BMS1: variants seen among roughly 807,000 people sequenced by gnomAD.
BMS1 encodes ribosome biogenesis protein BMS1 homolog.
In BMS1, 53 loss-of-function variants were observed where a neutral mutation model predicts 138.7. The ratio of observed to expected loss-of-function variants is 0.38; its 90% CI spans 0.31 to 0.48. BMS1 has a LOEUF of 0.48. Ranked by LOEUF, BMS1 falls within the 20% of genes least tolerant of loss-of-function variation. The pLI is 0.97. For synonymous variants in BMS1, 504 were observed against 539.9 expected, an observed-to-expected ratio of 0.93 and a Z score of 0.92; for missense variants, 1,360 against 1,565.5, an observed-to-expected ratio of 0.87 and a Z score of 2.22.
intron 17 of BMS1, 39 bp from the exon 18 acceptor site, chr10:42,820,895 T>C: frequency 1.3e-6 from 2 of 1,556,496 alleles, no homozygotes; most frequent in South Asian, 2.2e-5. Context: ...ATCTAAAATT[T>C]GTGGTTCGCT....
intron 4 of BMS1, among the ~76,000 whole-genome samples, chr10:42,789,850 C>G (rs1363440127): frequency 6.6e-6 from 1 of 152,156 alleles, no homozygotes; most frequent in East Asian, 1.9e-4. Context: ...AAATACCTTA[C>G]AGAAAACTTG....
In BMS1 at chr10:42,830,339, A is replaced by G; in HGVS notation, c.3535A>G (p.Lys1179Glu). The change falls in exon 22 of 23, where the codon AAG becomes GAG. Residue 1179 changes from lysine to glutamate, a missense_variant. This residue lies in a region of BMS1 where 425 missense variants were observed against 568.3 expected (regional missense o/e 0.75). Coordinates refer to ENST00000374518, the MANE Select transcript of BMS1 (RefSeq NM_014753.4). ...ALQKALPFKN[K>E]PKTQAKAGKV... ...GCAGAAGGCCCTGCCATTTAAGAAC[A>G]AGCCCAAGACCCAAGCAAAGGCAGG... 6.2e-7 allele frequency: 1 copy of G among 1,614,118 alleles called. No homozygotes were observed. The highest frequency in any genetic ancestry group is 8.5e-7 in the Non-Finnish European group (1 of 1,180,028).
chr10:42,805,755 A>T (rs1564420275), intron 13 of BMS1, among the ~76,000 whole-genome samples: 1 of 150,384 alleles, frequency 6.6e-6, no homozygotes, highest in East Asian at 1.9e-4. Flanking sequence ...AATGCAGTTG[A>T]TTTTTTTTTT....
intron 13 of BMS1, among the ~76,000 whole-genome samples, chr10:42,811,520 C>CTTTTTTTTTTTTTTTTTTTTTTTT (rs879940551): frequency 8.2e-6 from 1 of 121,568 alleles, no homozygotes; most frequent in African/African-American, 3.4e-5. Context: ...GTTGTATTTT[C>CTTTTTTTTTTTTTTTTTTTTTTTT]TTTTTCTTTT....
rs535241880 is a variant in BMS1 at position 42,834,081 on chromosome 10, T to C, written c.*2985T>C. The C allele has an allele frequency of 2.6e-5, 4 of 152,378 alleles. No homozygotes were observed. The highest frequency in any genetic ancestry group is 3.9e-4 in the East Asian group (2 of 5,190). 9.4% of individuals were successfully genotyped at this position (152,378 alleles called of 1,614,324 possible). A position where few individuals can be genotyped will look rare whatever the true frequency, so the allele number is the denominator to read the frequency against. The stretch of plus-strand genomic sequence containing the variant: ...GTAAATTGTAAAAATTATTCTGTTA[T>C]ACCTTTTCTATTTACTAGGCACAGG... On this transcript the variant is annotated 3_prime_UTR_variant, in exon 23 of 23. Transcript: ENST00000374518.
At chr10:42,808,593 C>T (rs543826887) in intron 13 of BMS1, among the ~76,000 whole-genome samples, 18 of 152,194 alleles carry the variant, frequency 1.2e-4, no homozygotes, top group South Asian at 2.1e-4. Context: ...GCCACCGTGT[C>T]GGGCCAAAAG....
rs749751423 is a variant in BMS1, at chr10:42,796,607, G to A, written c.1363G>A (p.Gly455Arg). 41 of 1,614,174 alleles carry A rather than the reference G, an allele frequency of 2.5e-5. No homozygotes were observed. The highest frequency in any genetic ancestry group is 1.6e-4 in the Middle Eastern group (1 of 6,062). ...AGATGATGAAATGTCTGAAGATGAC[G>A]GGTTGGAAAACGGCTCTAGTGATGA... ...EEDDEMSEDDGLENGSSDEEA... is the reference protein window; with the variant it reads ...EEDDEMSEDDRLENGSSDEEA... Residue 455 changes from glycine to arginine, a missense_variant, in exon 10 of 23, where the codon GGG becomes AGG. Gly to Arg is a moderately radical substitution (Grantham distance 125). This residue lies in a region of BMS1 where 697 missense variants were observed against 686.2 expected (regional missense o/e 1.02). Transcript: ENST00000374518.
Position 42,802,121 on chromosome 10 carries a change from G to A in BMS1, c.2248-16G>A. On this transcript the variant is annotated splice_polypyrimidine_tract_variant and intron_variant, in intron 12 of 22. Coordinates refer to ENST00000374518, the MANE Select transcript of BMS1 (RefSeq NM_014753.4). ...GATTGGAACACCTCACCTAAGTGCTGACTTTTCTGCGTAAGGTTATGAACA... is the reference window on the plus strand; with the variant it reads ...GATTGGAACACCTCACCTAAGTGCTAACTTTTCTGCGTAAGGTTATGAACA... 6.3e-7 allele frequency: 1 copy of A among 1,590,902 alleles called. No homozygotes were observed.
intron 5 of BMS1, 83 bp downstream of exon 5, chr10:42,790,594 C>G (rs1226525035): frequency 4.9e-6 from 7 of 1,425,494 alleles, no homozygotes; most frequent in African/African-American, 1.4e-5. Flanking sequence ...TGGCTAACAC[C>G]TGTAATCCCA....
At chr10:42,788,386 T>C (rs1399365124) in intron 4 of BMS1, among the ~76,000 whole-genome samples, 2 of 152,182 alleles carry the variant, frequency 1.3e-5, no homozygotes, top group Non-Finnish European at 2.9e-5. Context: ...ATAATAGTTA[T>C]ACATATTTAT....
In BMS1 at chr10:42,820,493, C is replaced by T. The variant is rs1465676394; in HGVS notation, c.2770-15C>T. The T allele has an allele frequency of 1.9e-6, 3 of 1,611,160 alleles. No homozygotes were observed. Among genetic ancestry groups the T allele is most frequent in the Non-Finnish European group, 2.5e-6 (3 of 1,179,234 alleles). On this transcript the variant is annotated splice_polypyrimidine_tract_variant and intron_variant, in intron 16 of 22. Transcript: ENST00000374518. ...TTTCCCCTCCATCAATCATCTTACC[C>T]TCTCGTCCCCTCAGATGCGTCTGAA...
At position 42,792,441 on chromosome 10, in the gene BMS1, G is replaced by T. The variant is rs111424794; in HGVS notation, c.780-52G>T. On this transcript the variant is annotated intron_variant, in intron 6 of 22. Coordinates refer to ENST00000374518, the MANE Select transcript of BMS1 (RefSeq NM_014753.4). ...ATGAATCATTGACACATGAAAGGAG[G>T]TATAGGAACTTTTGGCATTCATTTC... 7.8e-4 allele frequency: 1,249 copies of T among 1,599,878 alleles called. 15 individuals are homozygous for T. In the African/African-American group the frequency reaches 0.015, roughly 19 times the overall value.
chr10:42,802,034 G>T, intron 12 of BMS1, 103 bp from the exon 13 acceptor site: 1 of 792,196 alleles, frequency 1.3e-6, no homozygotes, highest in Non-Finnish European at 2.1e-6. Context: ...ATCCATGAAA[G>T]TGGGAAATAT....
intron 13 of BMS1, among the ~76,000 whole-genome samples, chr10:42,808,273 TA>T (rs869183063): frequency 6.9e-5 from 3 of 43,306 alleles, no homozygotes; most frequent in African/African-American, 2.9e-4. Flanking sequence ...TTTTATTTTT[TA>T]TTTATTTATT....
At chr10:42,817,618 T>G (rs1277312838) in intron 15 of BMS1, 124 bp downstream of exon 15, 5 of 937,338 alleles carry the variant, frequency 5.3e-6, no homozygotes, top group Non-Finnish European at 6.2e-6. Context: ...TGCCTTTCAT[T>G]CGGACTCCTG....
chr10:42,810,851 T>C (rs1842150426), intron 13 of BMS1, among the ~76,000 whole-genome samples: 1 of 152,224 alleles, frequency 6.6e-6, no homozygotes, highest in Admixed American at 6.5e-5. Context: ...TAATACTCTT[T>C]AACGGCTGCA....
chr10:42,784,334 C>G (rs927118612), intron 1 of BMS1, 28 bp from the exon 2 acceptor site: 5 of 1,474,716 alleles, frequency 3.4e-6, no homozygotes, highest in East Asian at 4.6e-5. Context: ...CTTCTCCCAT[C>G]TCCTTACCCC....
Position 42,791,912 on chromosome 10 carries a change from T to C in BMS1, c.779+143T>C, listed in dbSNP as rs555863627. The C allele has an allele frequency of 5.9e-5, 63 of 1,066,594 alleles. No homozygotes were observed. The South Asian group carries it at 9.2e-4, about 16-fold the overall frequency. 66.1% of individuals were successfully genotyped at this position (1,066,594 alleles called of 1,614,324 possible). ...GTAGTTGATGGAAAATGTCTACTTA[T>C]ATCATTGCTCAAAGATGCCGTGCCT... On this transcript the variant is annotated intron_variant, in intron 6 of 22. Transcript: ENST00000374518.
At chr10:42,816,527 C>A in intron 13 of BMS1, 72 bp from the exon 14 acceptor site, 2 of 1,263,866 alleles carry the variant, frequency 1.6e-6, no homozygotes, top group South Asian at 1.4e-5. Flanking sequence ...ACACTGTGGG[C>A]CTGTGGTAGG....
Sources: allele counts gnomAD v4.1 joint callset (sites outside exome capture counted in the v4.1 genomes callset), GRCh38; gene constraint gnomAD v4.1.1; regional missense constraint gnomAD v4.1.1; transcripts MANE v1.5; gene names NCBI Gene and HGNC (gene_info 2026-07-23, HGNC 2026-07-21).